MACROD2: variants seen among roughly 807,000 people sequenced by gnomAD.
MACROD2 encodes ADP-ribose glycohydrolase MACROD2.
MACROD2 carries 36 observed loss-of-function variants against 70.4 expected under a neutral mutation model. That is an observed-to-expected ratio of 0.51 (90% CI 0.39 to 0.68). MACROD2 has a LOEUF of 0.68. Ranked by LOEUF, MACROD2 falls within the 30% of genes least tolerant of loss-of-function variation. The pLI, the probability that MACROD2 is intolerant of heterozygous loss-of-function variation, is 0.00. For synonymous variants in MACROD2, 172 were observed against 178.8 expected (o/e 0.96, Z 0.30); for missense variants, 496 against 538.4 (o/e 0.92, Z 0.78).
intron 5 of MACROD2, among the ~76,000 whole-genome samples, chr20:14,706,022 A>G (rs1282433102): frequency 1.3e-5 from 2 of 152,118 alleles, no homozygotes; most frequent in East Asian, 1.9e-4. Flanking sequence ...ATGCTTAAAA[A>G]TTGGTAGAAG....
chr20:14,246,407 G>A (rs6033916), intron 3 of MACROD2, among the ~76,000 whole-genome samples: 147,463 of 152,174 alleles, frequency 0.97, 71,465 homozygotes, highest in Admixed American at 0.99. Context: ...TTGACTCTCC[G>A]CCGAGGAAAT....
chr20:15,563,619 T>C (rs1568894854), intron 8 of MACROD2, among the ~76,000 whole-genome samples: 1 of 152,184 alleles, frequency 6.6e-6, no homozygotes, highest in African/African-American at 2.4e-5. Flanking sequence ...AATCTCTTTT[T>C]TAAGTTTAAA....
chr20:14,354,248 G>C (rs952042512), intron 3 of MACROD2, among the ~76,000 whole-genome samples: 1 of 151,950 alleles, frequency 6.6e-6, no homozygotes, highest in Non-Finnish European at 1.5e-5. Context: ...TTATTGATTT[G>C]TAGCAGTTCT....
intron 8 of MACROD2, among the ~76,000 whole-genome samples, chr20:15,567,462 T>C (rs765907083): frequency 9.2e-5 from 14 of 152,186 alleles, no homozygotes; most frequent in Non-Finnish European, 2.1e-4. Context: ...CTGGGAATAA[T>C]AGAGAATGCG....
chr20:14,283,531 G>A (rs1476148820), intron 3 of MACROD2, among the ~76,000 whole-genome samples: 5 of 152,142 alleles, frequency 3.3e-5, no homozygotes, highest in Admixed American at 3.3e-4. Flanking sequence ...ATCAGCAATA[G>A]TTATAAGAAG....
intron 6 of MACROD2, among the ~76,000 whole-genome samples, chr20:15,275,600 G>A (rs372053650): frequency 2.3e-4 from 35 of 152,220 alleles, no homozygotes; most frequent in South Asian, 8.3e-4. Flanking sequence ...TTGAATAAGC[G>A]GATCATTTCA....
At chr20:14,352,430 GA>G (rs988249206) in intron 3 of MACROD2, 8 of 151,790 alleles carry the variant, frequency 5.3e-5, no homozygotes, top group East Asian at 1.9e-4. Context: ...ATTTAAAAAA[GA>G]AAAAAATACT....
At chr20:14,453,664 T>C (rs2084268654) in intron 3 of MACROD2, among the ~76,000 whole-genome samples, 1 of 152,082 alleles carries the variant, frequency 6.6e-6, no homozygotes, top group African/African-American at 2.4e-5. Context: ...TAGAATGTAC[T>C]GTATTCCTCG....
chr20:15,801,374 C>A (rs957068200), intron 8 of MACROD2, among the ~76,000 whole-genome samples: 3 of 151,750 alleles, frequency 2.0e-5, no homozygotes, highest in Non-Finnish European at 4.4e-5. Context: ...ACCGTCACAG[C>A]CACTGGCTGG....
intron 1 of MACROD2, among the ~76,000 whole-genome samples, chr20:14,000,928 A>T (rs2052726136): frequency 6.6e-6 from 1 of 152,174 alleles, no homozygotes; most frequent in South Asian, 2.1e-4. Flanking sequence ...CTCATACCAT[A>T]TCTTGCAGCT....
At chr20:15,930,855 T>C (rs971274831) in intron 10 of MACROD2, among the ~76,000 whole-genome samples, 2 of 152,230 alleles carry the variant, frequency 1.3e-5, no homozygotes, top group Non-Finnish European at 2.9e-5. Flanking sequence ...TTCCTTCTTA[T>C]GCATTTACAA....
At chr20:15,107,230 A>G (rs2075917761) in intron 5 of MACROD2, among the ~76,000 whole-genome samples, 1 of 151,924 alleles carries the variant, frequency 6.6e-6, no homozygotes, top group Non-Finnish European at 1.5e-5. Context: ...CTGAAAACAA[A>G]CACACATATG....
intron 2 of MACROD2, among the ~76,000 whole-genome samples, chr20:14,012,618 T>C (rs533275271): frequency 6.6e-6 from 1 of 152,342 alleles, no homozygotes; most frequent in African/African-American, 2.4e-5. Flanking sequence ...TCATGACTTT[T>C]CTCTGCTTCT....
chr20:15,016,775 C>A (rs978919952), intron 5 of MACROD2, among the ~76,000 whole-genome samples: 5 of 151,990 alleles, frequency 3.3e-5, no homozygotes, highest in African/African-American at 1.2e-4. Context: ...TACATGGTAG[C>A]GGCAAGGGAA....
chr20:14,160,228 A>T (rs1569184506), intron 3 of MACROD2, among the ~76,000 whole-genome samples: 1 of 152,124 alleles, frequency 6.6e-6, no homozygotes, highest in Non-Finnish European at 1.5e-5. Context: ...GATAATGCTG[A>T]TCTTATGGAA....
intron 5 of MACROD2, among the ~76,000 whole-genome samples, chr20:14,814,106 C>A (rs908249838): frequency 2.0e-5 from 3 of 152,116 alleles, no homozygotes; most frequent in Admixed American, 6.6e-5. Flanking sequence ...AATATCATAT[C>A]CCTGCAGCCA....
chr20:14,955,502 T>C (rs1049288263), intron 5 of MACROD2, among the ~76,000 whole-genome samples: 4 of 151,738 alleles, frequency 2.6e-5, no homozygotes, highest in Admixed American at 6.6e-5. Context: ...ATCAAGTGTG[T>C]ATTCATGATA....
At chr20:15,053,837 C>T (rs2075462003) in intron 5 of MACROD2, among the ~76,000 whole-genome samples, 1 of 152,150 alleles carries the variant, frequency 6.6e-6, no homozygotes, top group African/African-American at 2.4e-5. Flanking sequence ...AAGGATTCAC[C>T]ATTCTAGATG....
intron 3 of MACROD2, 25 bp downstream of exon 3, chr20:14,085,753 G>A (rs773040592): frequency 1.1e-5 from 14 of 1,323,256 alleles, no homozygotes; most frequent in Middle Eastern, 1.9e-4. Flanking sequence ...TTCCTGTGAT[G>A]TGTTTGTTAT....
Sources: gnomAD v4.1 joint callset for allele counts (sites outside exome capture counted in the v4.1 genomes callset) on GRCh38, gnomAD v4.1.1 for gene constraint, MANE v1.5 for transcripts, NCBI Gene and HGNC (gene_info 2026-07-23, HGNC 2026-07-21) for gene names.